P4HA1: variants seen among roughly 807,000 people sequenced by gnomAD.
The protein encoded by P4HA1 is prolyl 4-hydroxylase subunit alpha-1.
P4HA1 carries 24 observed loss-of-function variants against 72.8 expected under a neutral mutation model. The observed-to-expected ratio is 0.33, with a 90% CI of 0.24 to 0.46. The LOEUF (loss-of-function observed/expected upper bound fraction) is 0.46, where lower values mean the gene tolerates loss of function less well. Among genes scored for constraint, P4HA1 ranks in the 20% least tolerant of loss-of-function variants. The pLI, the probability that P4HA1 is intolerant of heterozygous loss-of-function variation, is 1.00. For synonymous variants in P4HA1, 201 were observed against 218.8 expected (o/e 0.92, Z 0.72); for missense variants, 446 against 640.6 (o/e 0.70, Z 3.28).
intron 12 of P4HA1, among the ~76,000 whole-genome samples, chr10:73,013,048 G>A (rs1036831764): frequency 2.4e-4 from 37 of 152,110 alleles, no homozygotes; most frequent in African/African-American, 8.0e-4. Flanking sequence ...TGCCCGCCTC[G>A]GCCTCTCAAA....
intron 9 of P4HA1, among the ~76,000 whole-genome samples, chr10:73,042,834 C>T (rs1201999290): frequency 1.3e-5 from 2 of 152,042 alleles, no homozygotes; most frequent in Non-Finnish European, 2.9e-5. Flanking sequence ...CAGTGAACCA[C>T]AGATGCTATT....
chr10:73,082,068 C>T lies in P4HA1; in HGVS notation c.-32-7153G>A, dbSNP rs75453587. Among the ~76,000 whole-genome samples, 278 of 152,312 alleles carry T rather than the reference C, an allele frequency of 1.8e-3. 3 individuals are homozygous for T. Among genetic ancestry groups the T allele is most frequent in the African/African-American group, 6.2e-3 (258 of 41,582 alleles). On this transcript the variant is annotated intron_variant, in intron 1 of 14. Transcript: ENST00000394890. ...CCACAACCATTCTGTGGTTCACTTT[C>T]GGTACAATATTCAATAAATTACATG...
In P4HA1 at chr10:73,034,057, T is replaced by G. The variant is rs113717773; in HGVS notation, c.1149-3687A>C. Among the ~76,000 whole-genome samples the G allele has an allele frequency of 6.0e-3, 916 of 152,044 alleles. 7 individuals are homozygous for G. The highest frequency in any genetic ancestry group is 0.027 in the Middle Eastern group (8 of 294). On this transcript the variant is annotated intron_variant, in intron 9 of 14. Transcript: ENST00000394890. ...AGACCCTGTCTCCACAAAAAAAGTT[T>G]AAAAATTAGCCAGGCATGGTAGCGT...
At chr10:73,075,281 G>A (rs180923485) in intron 1 of P4HA1, among the ~76,000 whole-genome samples, 379 of 152,144 alleles carry the variant, frequency 2.5e-3, no homozygotes, top group African/African-American at 8.7e-3. Context: ...CTAACTTTTT[G>A]TCTTTTTAGC....
Position 73,042,130 on chromosome 10 carries a change from CTT to C in P4HA1, c.1148+2849_1148+2850del, listed in dbSNP as rs1840749547. Among the ~76,000 whole-genome samples the C allele has an allele frequency of 2.6e-5, 4 of 152,146 alleles. No homozygotes were observed. The South Asian group carries it at 8.3e-4, about 32-fold the overall frequency. ...ATTAAATAAATTTGTATGATTTTCT[CTT>C]GTTAATCTGTCTTTTGTTATAGGGG... On this transcript the variant is annotated intron_variant, in intron 9 of 14. Transcript: ENST00000394890.
At chr10:73,065,927 A>T (rs1425103212) in intron 5 of P4HA1, among the ~76,000 whole-genome samples, 2 of 152,248 alleles carry the variant, frequency 1.3e-5, no homozygotes, top group Non-Finnish European at 2.9e-5. Context: ...TTTACTGAAA[A>T]TATTAGGTTA....
chr10:73,088,219 C>A (rs1841962035), intron 1 of P4HA1, among the ~76,000 whole-genome samples: 1 of 152,094 alleles, frequency 6.6e-6, no homozygotes, highest in Non-Finnish European at 1.5e-5. Flanking sequence ...CTAATTTTTG[C>A]ATACAGTGTC....
rs750944798 is a variant in P4HA1, at chr10:73,043,899, C to T, written c.1148+1082G>A. ...ATTACTCCCTTACCTCTTAGATACT[C>T]TGTACTGTGCTGTGGTCAATTTTCC... On this transcript the variant is annotated intron_variant, in intron 9 of 14. Transcript: ENST00000394890. The T allele has an allele frequency of 6.2e-6, 10 of 1,609,942 alleles. No homozygotes were observed. The Admixed American group carries it at 1.0e-4, about 16-fold the overall frequency.
chr10:73,039,937 CTGCAAT>C (rs1427384266), intron 9 of P4HA1, among the ~76,000 whole-genome samples: 1 of 147,476 alleles, frequency 6.8e-6, no homozygotes, highest in African/African-American at 2.5e-5. Flanking sequence ...TCTCAGCTCA[CTGCAAT>C]CTCTGCTTCC....
At chr10:73,091,631 C>T (rs903837950) in intron 1 of P4HA1, among the ~76,000 whole-genome samples, 1 of 152,148 alleles carries the variant, frequency 6.6e-6, no homozygotes, top group African/African-American at 2.4e-5. Context: ...ATGCTTCATA[C>T]ACTGTTCAAT....
chr10:73,077,615 A>T (rs1194345047), intron 1 of P4HA1, among the ~76,000 whole-genome samples: 3 of 152,188 alleles, frequency 2.0e-5, no homozygotes, highest in Non-Finnish European at 4.4e-5. Context: ...ATAATCAACA[A>T]AACAAAGTAA....
chr10:73,051,700 A>C (rs866453192), intron 6 of P4HA1, among the ~76,000 whole-genome samples: 21 of 152,168 alleles, frequency 1.4e-4, no homozygotes, highest in African/African-American at 4.8e-4. Context: ...CGGGGGTTGC[A>C]GTGAGCCGAG....
At position 73,030,646 on chromosome 10, in the gene P4HA1, T is replaced by C. The variant is rs186040309; in HGVS notation, c.1149-276A>G. On this transcript the variant is annotated intron_variant, in intron 9 of 14. Transcript: ENST00000394890. Reference sequence around the variant, plus strand: ...GTTGGATTAATGTAAGGAGGCTATATTGAAAGCCACCTACATTGAGAACTT... The same window carrying C: ...GTTGGATTAATGTAAGGAGGCTATACTGAAAGCCACCTACATTGAGAACTT... Among the ~76,000 whole-genome samples, 206 of 152,246 alleles carry C rather than the reference T, an allele frequency of 1.4e-3. 1 individual carries two copies. Among genetic ancestry groups the C allele is most frequent in the African/African-American group, 4.4e-3 (182 of 41,530 alleles).
chr10:73,081,919 G>A (rs775867679), intron 1 of P4HA1, among the ~76,000 whole-genome samples: 1 of 152,184 alleles, frequency 6.6e-6, no homozygotes, highest in Non-Finnish European at 1.5e-5. Flanking sequence ...AGGAGGCTGA[G>A]GCAGAAGAAT....
At position 73,007,481 on chromosome 10, in the gene P4HA1, C is replaced by A. The variant is rs1368929806; in HGVS notation, c.*741G>T. ...TAAGAAAAACAGCAAAATTCCTGAA[C>A]AAAATCATCTGTCATTTTAAAAAAG... On this transcript the variant is annotated 3_prime_UTR_variant, in exon 15 of 15. Transcript: ENST00000394890. The A allele has an allele frequency of 3.3e-5, 5 of 149,718 alleles. No individual in the cohort carries two copies. In the Admixed American group the frequency reaches 3.3e-4, roughly 10 times the overall value. The allele number at this position is 149,718 out of a possible 1,614,324, so 9.3% of individuals were successfully genotyped here. A position where few individuals can be genotyped will look rare whatever the true frequency, so the allele number is the denominator to read the frequency against.
chr10:73,059,045 T>C (rs1218584074), intron 5 of P4HA1, among the ~76,000 whole-genome samples: 1 of 152,132 alleles, frequency 6.6e-6, no homozygotes. Flanking sequence ...CTCAGAGTGC[T>C]GGGATTACAG....
intron 1 of P4HA1, among the ~76,000 whole-genome samples, chr10:73,076,080 A>G (rs552619278): frequency 1.7e-4 from 26 of 152,254 alleles, no homozygotes; most frequent in African/African-American, 6.0e-4. Context: ...ATCTCTAAAA[A>G]ACATGAATAA....
chr10:73,076,251 CAG>C (rs1018799437), intron 1 of P4HA1, among the ~76,000 whole-genome samples: 13 of 151,796 alleles, frequency 8.6e-5, no homozygotes, highest in Admixed American at 7.9e-4. Flanking sequence ...TTTTAAGAGA[CAG>C]GGGTCTTGTT....
intron 5 of P4HA1, among the ~76,000 whole-genome samples, chr10:73,061,488 A>T (rs567911072): frequency 6.6e-6 from 1 of 152,330 alleles, no homozygotes; most frequent in Non-Finnish European, 1.5e-5. Flanking sequence ...AAAAAATACA[A>T]CTGTAAAACA....
Sources: allele counts gnomAD v4.1 joint callset (sites outside exome capture counted in the v4.1 genomes callset), GRCh38; gene constraint gnomAD v4.1.1; transcripts MANE v1.5; gene names NCBI Gene and HGNC (gene_info 2026-07-23, HGNC 2026-07-21).